Variants in MSI2 observed in about 807,000 individuals in gnomAD.
MSI2 encodes the protein RNA-binding protein Musashi homolog 2.
A neutral mutation model predicts 45.6 loss-of-function variants in MSI2; 17 were observed. That is an observed-to-expected ratio of 0.37 (90% CI 0.26 to 0.56). The LOEUF (loss-of-function observed/expected upper bound fraction) is 0.56. Ranked by LOEUF, MSI2 falls within the 20% of genes least tolerant of loss-of-function variation. MSI2 has a pLI of 0.77. For missense variants in MSI2, 293 were observed against 444.2 expected, an observed-to-expected ratio of 0.66 and a Z score of 3.06; for synonymous variants, 156 against 158.2, an observed-to-expected ratio of 0.99 and a Z score of 0.11.
At chr17:57,401,139 T>G (rs1342672618) in intron 5 of MSI2, among the ~76,000 whole-genome samples, 1 of 152,154 alleles carries the variant, frequency 6.6e-6, no homozygotes, top group Admixed American at 6.5e-5. Flanking sequence ...GCTAATGAGG[T>G]TCTGAAGTCT....
At chr17:57,587,550 C>G (rs1339431086) in intron 7 of MSI2, among the ~76,000 whole-genome samples, 1 of 139,648 alleles carries the variant, frequency 7.2e-6, no homozygotes, top group Non-Finnish European at 1.6e-5. Flanking sequence ...TCCCCGCCCC[C>G]CACCCAACTC....
At chr17:57,406,295 A>G (rs1330150757) in intron 6 of MSI2, among the ~76,000 whole-genome samples, 1 of 152,178 alleles carries the variant, frequency 6.6e-6, no homozygotes, top group Non-Finnish European at 1.5e-5. Flanking sequence ...GCCACCCGGA[A>G]GAGCCCAGCC....
intron 5 of MSI2, among the ~76,000 whole-genome samples, chr17:57,271,013 C>G (rs1908307131): frequency 6.6e-6 from 1 of 152,078 alleles, no homozygotes; most frequent in Admixed American, 6.5e-5. Flanking sequence ...GTATCTGATG[C>G]CTGTGTTTTT....
chr17:57,299,688 T>C (rs776442857), intron 5 of MSI2, among the ~76,000 whole-genome samples: 2 of 152,104 alleles, frequency 1.3e-5, no homozygotes, highest in African/African-American at 4.8e-5. Flanking sequence ...ACATCAAAGA[T>C]CACAGATCAC....
chr17:57,482,700 G>A (rs143051190), intron 6 of MSI2, among the ~76,000 whole-genome samples: 32 of 152,232 alleles, frequency 2.1e-4, no homozygotes, highest in African/African-American at 7.5e-4. Flanking sequence ...GAGACTCTGT[G>A]CCTCTCACAT....
rs571597443 is a variant in MSI2, at chr17:57,379,388, A to G, written c.313-21991A>G. ...CTTTATGGAAGGGTGTCTTTATTCA[A>G]TTTGACTGTTGCTATTATGTGGCGA... On this transcript the variant is annotated intron_variant, in intron 5 of 13. Coordinates refer to ENST00000284073, the MANE Select transcript of MSI2 (RefSeq NM_138962.4). Among the ~76,000 whole-genome samples, 24 of 151,210 alleles carry G rather than the reference A, an allele frequency of 1.6e-4. 1 individual carries two copies. The South Asian group carries it at 4.6e-3, about 29-fold the overall frequency.
intron 11 of MSI2, among the ~76,000 whole-genome samples, chr17:57,662,729 G>A (rs1349005197): frequency 2.0e-5 from 3 of 152,210 alleles, no homozygotes; most frequent in Non-Finnish European, 4.4e-5. Context: ...CCTTGGGGGA[G>A]GAGATAACCC....
At position 57,256,883 on chromosome 17, in the gene MSI2, C is replaced by A. The variant is rs1259763482; in HGVS notation, c.62+79C>A. On this transcript the variant is annotated intron_variant, in intron 1 of 13. Transcript: ENST00000284073. ...CGGCGGGGACGGCGGTGCGCGGAGCCGGGCATCTCCCGCGCCCCCCCGCCT... is the reference window on the plus strand; with the variant it reads ...CGGCGGGGACGGCGGTGCGCGGAGCAGGGCATCTCCCGCGCCCCCCCGCCT... The A allele has an allele frequency of 7.8e-6, 9 of 1,158,176 alleles. No individual in the cohort carries two copies. In the East Asian group the frequency reaches 2.6e-4, roughly 34 times the overall value. The allele number at this position is 1,158,176 out of a possible 1,614,324, so 71.7% of individuals were successfully genotyped here. A position where few individuals can be genotyped will look rare whatever the true frequency, so the allele number is the denominator to read the frequency against.
At chr17:57,616,230 C>G in intron 9 of MSI2, 146 bp downstream of exon 9, 1 of 617,476 alleles carries the variant, frequency 1.6e-6, no homozygotes, top group Non-Finnish European at 2.9e-6. Flanking sequence ...TGATAATTCC[C>G]CGTTCCAAGA....
At position 57,526,375 on chromosome 17, in the gene MSI2, G is replaced by A. The variant is rs981872475; in HGVS notation, c.406-3301G>A. Among the ~76,000 whole-genome samples, 408 of 86,244 alleles carry A rather than the reference G, an allele frequency of 4.7e-3. 3 individuals are homozygous for A. The highest frequency in any genetic ancestry group is 0.013 in the African/African-American group (210 of 16,044). 56.6% of individuals were successfully genotyped at this position (86,244 alleles called of 152,430 possible). On this transcript the variant is annotated intron_variant, in intron 6 of 13. Coordinates refer to ENST00000284073, the MANE Select transcript of MSI2 (RefSeq NM_138962.4). ...TACCTGGGTGTGTGTGTGTGTGTGTGTGTGTGTGTGTGTGTGTGTGTGTGT... is the reference window on the plus strand; with the variant it reads ...TACCTGGGTGTGTGTGTGTGTGTGTATGTGTGTGTGTGTGTGTGTGTGTGT...
At chr17:57,319,928 T>G (rs1169013019) in intron 5 of MSI2, among the ~76,000 whole-genome samples, 1 of 152,188 alleles carries the variant, frequency 6.6e-6, no homozygotes, top group East Asian at 1.9e-4. Context: ...AGGGGTTTTC[T>G]GCTCAGTGGT....
At chr17:57,492,612 G>GT (rs1203700906) in intron 6 of MSI2, among the ~76,000 whole-genome samples, 1 of 130,398 alleles carries the variant, frequency 7.7e-6, no homozygotes, top group East Asian at 2.2e-4. Flanking sequence ...TCTCAGTTTT[G>GT]TTTTGTTTTT....
At chr17:57,411,684 G>C (rs768781552) in intron 6 of MSI2, among the ~76,000 whole-genome samples, 5 of 152,026 alleles carry the variant, frequency 3.3e-5, no homozygotes, top group Non-Finnish European at 7.4e-5. Context: ...CTTTGGGGTG[G>C]CCCTGACCAG....
At chr17:57,606,617 C>T (rs1451518145) in intron 8 of MSI2, among the ~76,000 whole-genome samples, 1 of 152,102 alleles carries the variant, frequency 6.6e-6, no homozygotes, top group Non-Finnish European at 1.5e-5. Context: ...AGGGAAGAGC[C>T]ACATCTCAGC....
intron 6 of MSI2, among the ~76,000 whole-genome samples, chr17:57,465,443 T>G (rs1034144100): frequency 6.6e-6 from 1 of 152,010 alleles, no homozygotes; most frequent in Non-Finnish European, 1.5e-5. Context: ...CCTGCCTGGG[T>G]TTTTTCAGAA....
intron 6 of MSI2, among the ~76,000 whole-genome samples, chr17:57,527,468 G>GT (rs1353412610): frequency 6.9e-6 from 1 of 144,664 alleles, no homozygotes; most frequent in Non-Finnish European, 1.6e-5. Context: ...TACCGTCGGC[G>GT]GGGGCTCTTG....
intron 6 of MSI2, among the ~76,000 whole-genome samples, chr17:57,517,404 C>CT (rs1348280162): frequency 1.3e-5 from 2 of 152,154 alleles, no homozygotes; most frequent in African/African-American, 4.8e-5. Context: ...GCCAGAATTG[C>CT]TGGGGATCAG....
At chr17:57,566,362 TTATA>T (rs774539298) in intron 7 of MSI2, among the ~76,000 whole-genome samples, 1 of 152,170 alleles carries the variant, frequency 6.6e-6, no homozygotes, top group Non-Finnish European at 1.5e-5. Context: ...TTACATTTGA[TTATA>T]TAATCAATTA....
At chr17:57,492,196 G>T (rs1256787773) in intron 6 of MSI2, among the ~76,000 whole-genome samples, 1 of 152,184 alleles carries the variant, frequency 6.6e-6, no homozygotes, top group African/African-American at 2.4e-5. Flanking sequence ...GTTGTCAGGG[G>T]CTCAGTAATC....
Sources: allele counts gnomAD v4.1 joint callset (sites outside exome capture counted in the v4.1 genomes callset), GRCh38; gene constraint gnomAD v4.1.1; transcripts MANE v1.5; gene names NCBI Gene and HGNC (gene_info 2026-07-23, HGNC 2026-07-21).